Variants in MACROD2 observed in about 807,000 individuals in gnomAD.
MACROD2 encodes the protein mono-ADP ribosylhydrolase 2.
In MACROD2, 36 loss-of-function variants were observed where a neutral mutation model predicts 70.4. That is an observed-to-expected ratio of 0.51 (90% CI 0.39 to 0.68). MACROD2 has a LOEUF of 0.68. Ranked by LOEUF, MACROD2 falls within the 30% of genes least tolerant of loss-of-function variation. MACROD2 has a pLI of 0.00. For synonymous variants in MACROD2, 172 were observed against 178.8 expected (o/e 0.96, Z 0.30); for missense variants, 496 against 538.4 (o/e 0.92, Z 0.78).
chr20:14,163,846 C>A (rs928624742), intron 3 of MACROD2, among the ~76,000 whole-genome samples: 1 of 151,484 alleles, frequency 6.6e-6, no homozygotes, highest in Non-Finnish European at 1.5e-5. Flanking sequence ...TCATTTATAT[C>A]CCAAATATCT....
chr20:14,105,813 C>T (rs932679189), intron 3 of MACROD2, among the ~76,000 whole-genome samples: 1 of 152,162 alleles, frequency 6.6e-6, no homozygotes, highest in Admixed American at 6.5e-5. Flanking sequence ...ACCAGCTCAG[C>T]CACAGTAGGA....
chr20:15,757,257 G>A (rs1600848574), intron 8 of MACROD2, among the ~76,000 whole-genome samples: 1 of 152,164 alleles, frequency 6.6e-6, no homozygotes, highest in Non-Finnish European at 1.5e-5. Flanking sequence ...GTTAAAATTA[G>A]TAGTAGAAAC....
intron 3 of MACROD2, chr20:14,337,602 G>A (rs886129243): frequency 7.5e-6 from 3 of 398,448 alleles, no homozygotes; most frequent in Non-Finnish European, 1.3e-5. Context: ...GAGCATTCCA[G>A]TTTACTGCAC....
chr20:14,633,102 G>T (rs1359368769), intron 4 of MACROD2, among the ~76,000 whole-genome samples: 1 of 152,206 alleles, frequency 6.6e-6, no homozygotes, highest in East Asian at 1.9e-4. Context: ...TCCTCTTCCT[G>T]CCAGTAGTGG....
chr20:14,393,479 A>C (rs569966892), intron 3 of MACROD2, among the ~76,000 whole-genome samples: 16 of 152,090 alleles, frequency 1.1e-4, no homozygotes, highest in Non-Finnish European at 2.1e-4. Context: ...ACATTTTCTT[A>C]CCTTAGTTCC....
At chr20:15,175,729 A>G (rs1383351933) in intron 5 of MACROD2, among the ~76,000 whole-genome samples, 3 of 152,204 alleles carry the variant, frequency 2.0e-5, no homozygotes, top group Non-Finnish European at 4.4e-5. Context: ...AGTTTTTTAT[A>G]CTGATGGCAG....
intron 3 of MACROD2, among the ~76,000 whole-genome samples, chr20:14,227,973 A>T (rs1041380395): frequency 1.4e-4 from 22 of 152,104 alleles, no homozygotes; most frequent in Admixed American, 7.9e-4. Flanking sequence ...TATTTTTAAG[A>T]GCAATTTTAG....
At chr20:14,619,104 T>C (rs1452820450) in intron 4 of MACROD2, among the ~76,000 whole-genome samples, 1 of 151,960 alleles carries the variant, frequency 6.6e-6, no homozygotes, top group Non-Finnish European at 1.5e-5. Flanking sequence ...ACATACTATG[T>C]AAAGATATCA....
At chr20:14,435,850 G>A (rs1350847260) in intron 3 of MACROD2, among the ~76,000 whole-genome samples, 3 of 151,904 alleles carry the variant, frequency 2.0e-5, no homozygotes, top group East Asian at 1.9e-4. Context: ...GGGTCTACTG[G>A]TGCCCGCCAC....
intron 4 of MACROD2, among the ~76,000 whole-genome samples, chr20:14,660,620 G>A (rs935133032): frequency 5.3e-5 from 8 of 152,042 alleles, no homozygotes; most frequent in South Asian, 2.1e-4. Flanking sequence ...TGAGGTTTGG[G>A]CTTCTAATGA....
chr20:14,992,270 T>C (rs527446852), intron 5 of MACROD2, among the ~76,000 whole-genome samples: 1 of 152,200 alleles, frequency 6.6e-6, no homozygotes, highest in Non-Finnish European at 1.5e-5. Flanking sequence ...TCAGAACTGA[T>C]GTTCTTGCTC....
intron 8 of MACROD2, among the ~76,000 whole-genome samples, chr20:15,818,864 G>C (rs1255343308): frequency 6.6e-6 from 1 of 152,130 alleles, no homozygotes; most frequent in African/African-American, 2.4e-5. Context: ...TCACCAAGAA[G>C]TCACGAACTG....
intron 8 of MACROD2, among the ~76,000 whole-genome samples, chr20:15,639,621 G>C (rs999496855): frequency 2.0e-5 from 3 of 152,170 alleles, no homozygotes; most frequent in Non-Finnish European, 4.4e-5. Flanking sequence ...GCCAGAGCCA[G>C]CTTTTGGGTA....
chr20:15,007,950 G>A (rs918002576), intron 5 of MACROD2, among the ~76,000 whole-genome samples: 7 of 152,208 alleles, frequency 4.6e-5, no homozygotes, highest in African/African-American at 1.7e-4. Flanking sequence ...CCAAAGAAAT[G>A]TAGGATCTGG....
intron 3 of MACROD2, among the ~76,000 whole-genome samples, chr20:14,357,135 G>C (rs1452988915): frequency 1.3e-5 from 2 of 152,220 alleles, no homozygotes; most frequent in African/African-American, 2.4e-5. Context: ...TATGTGAGGA[G>C]TGTTGGGCAC....
chr20:14,757,505 A>T, intron 5 of MACROD2: 1 of 592,452 alleles, frequency 1.7e-6, no homozygotes, highest in East Asian at 2.9e-5. Flanking sequence ...TAGATCCCAT[A>T]TGTCTCTTTT....
chr20:15,974,770 TAAAAC>T (rs1007200570), intron 13 of MACROD2, among the ~76,000 whole-genome samples: 6 of 152,018 alleles, frequency 3.9e-5, no homozygotes, highest in Non-Finnish European at 5.9e-5. Context: ...AACAACAAAA[TAAAAC>T]AATTACAGGC....
intron 5 of MACROD2, among the ~76,000 whole-genome samples, chr20:14,971,530 C>T (rs1186207484): frequency 6.6e-6 from 1 of 152,116 alleles, no homozygotes; most frequent in Non-Finnish European, 1.5e-5. Flanking sequence ...TATTAAATCA[C>T]CGCAGAATCC....
At chr20:15,189,733 G>A (rs899837564) in intron 5 of MACROD2, among the ~76,000 whole-genome samples, 1 of 152,030 alleles carries the variant, frequency 6.6e-6, no homozygotes, top group Non-Finnish European at 1.5e-5. Context: ...CTTATATCTT[G>A]AGGAGAAAAT....
Sources: allele counts gnomAD v4.1 joint callset (sites outside exome capture counted in the v4.1 genomes callset), GRCh38; gene constraint gnomAD v4.1.1; transcripts MANE v1.5; gene names NCBI Gene and HGNC (gene_info 2026-07-23, HGNC 2026-07-21).